The following PLCG2 variants were observed in gnomAD, a reference collection of about 807,000 sequenced individuals.
PLCG2 encodes the protein phospholipase C gamma 2, also known as 1-phosphatidylinositol 4,5-bisphosphate phosphodiesterase gamma-2.
In PLCG2, 69 loss-of-function variants were observed where a neutral mutation model predicts 175.6. The observed-to-expected ratio is 0.39, with a 90% CI of 0.32 to 0.48. The LOEUF is 0.48. PLCG2 is among the 20% of genes least tolerant of loss of function. The pLI, the probability that PLCG2 is intolerant of heterozygous loss-of-function variation, is 0.91. For synonymous variants in PLCG2, 827 were observed against 624.0 expected (o/e 1.33, Z -4.85); for missense variants, 1,798 against 1,650.9 (o/e 1.09, Z -1.54).
chr16:81,810,958 A>G (rs563226688), intron 2 of PLCG2, among the ~76,000 whole-genome samples: 17 of 152,212 alleles, frequency 1.1e-4, no homozygotes, highest in Non-Finnish European at 2.2e-4. Context: ...GCACCTGAGA[A>G]GCAGCCCAGG....
rs1027601229 is a variant in PLCG2, at chr16:81,961,051, G to A, written c.*3053G>A. The A allele has an allele frequency of 1.3e-5, 3 of 231,306 alleles. No homozygotes were observed. In the East Asian group the frequency reaches 1.8e-4, roughly 14 times the overall value. The allele number at this position is 231,306 out of a possible 1,614,324, so 14.3% of individuals were successfully genotyped here. A position where few individuals can be genotyped will look rare whatever the true frequency, so the allele number is the denominator to read the frequency against. Reference sequence around the variant, plus strand: ...GGAAAGTGAAAGACTTATCAACAGGGCACAAATCTTTTTGCAAATGGATTT... The same window carrying A: ...GGAAAGTGAAAGACTTATCAACAGGACACAAATCTTTTTGCAAATGGATTT... On this transcript the variant is annotated 3_prime_UTR_variant, in exon 33 of 33. Coordinates refer to ENST00000564138, the MANE Select transcript of PLCG2 (RefSeq NM_002661.5).
chr16:81,793,416 T>C (rs1025731235), intron 2 of PLCG2, among the ~76,000 whole-genome samples: 1 of 152,218 alleles, frequency 6.6e-6, no homozygotes, highest in Non-Finnish European at 1.5e-5. Flanking sequence ...GCTTGGATTT[T>C]GTCTCAGGAG....
intron 6 of PLCG2, 31 bp downstream of exon 6, chr16:81,869,329 A>G (rs757192083): frequency 2.0e-6 from 3 of 1,475,032 alleles, no homozygotes; most frequent in South Asian, 1.1e-5. Context: ...TGGGAATTTT[A>G]TGAATGCGGA....
At chr16:81,749,883 C>T (rs139668485) in intron 1 of PLCG2, among the ~76,000 whole-genome samples, 8 of 152,218 alleles carry the variant, frequency 5.3e-5, no homozygotes, top group Admixed American at 1.3e-4. Flanking sequence ...GCTGAGATGT[C>T]CCTCAATGGA....
chr16:81,873,486 C>T (rs1907617798), intron 7 of PLCG2, among the ~76,000 whole-genome samples: 1 of 151,882 alleles, frequency 6.6e-6, no homozygotes. Context: ...TGACGATTGT[C>T]ATCTTATGCA....
chr16:81,932,463 G>T (rs774499334), intron 25 of PLCG2, among the ~76,000 whole-genome samples: 3 of 152,164 alleles, frequency 2.0e-5, no homozygotes, highest in Non-Finnish European at 4.4e-5. Context: ...GAAATTGTAG[G>T]GTTTCCCATG....
intron 2 of PLCG2, among the ~76,000 whole-genome samples, chr16:81,799,994 G>C (rs4274430): frequency 6.6e-6 from 1 of 152,012 alleles, no homozygotes; most frequent in African/African-American, 2.4e-5. Context: ...CCTGGGTTCA[G>C]ATCTTGGCTA....
At chr16:81,944,864 G>GA (rs1911089125) in intron 30 of PLCG2, among the ~76,000 whole-genome samples, 1 of 152,098 alleles carries the variant, frequency 6.6e-6, no homozygotes. Context: ...GATATCAAGG[G>GA]CCAACTGTAG....
chr16:81,795,723 TG>T (rs934595065), intron 2 of PLCG2, among the ~76,000 whole-genome samples: 3 of 151,556 alleles, frequency 2.0e-5, no homozygotes, highest in Non-Finnish European at 4.4e-5. Flanking sequence ...CCCCAAGAGA[TG>T]GGGTCTTGCT....
intron 2 of PLCG2, among the ~76,000 whole-genome samples, chr16:81,800,878 C>T (rs1911689533): frequency 6.6e-6 from 1 of 152,000 alleles, no homozygotes; most frequent in Admixed American, 6.6e-5. Flanking sequence ...CACAAAGGTC[C>T]TTGCAGGAGG....
intron 1 of PLCG2, chr16:81,739,843 G>A (rs547343343): frequency 6.6e-6 from 1 of 151,988 alleles, no homozygotes; most frequent in South Asian, 2.1e-4. Context: ...TAAGTGCTCA[G>A]AACAGTGTGT....
intron 2 of PLCG2, among the ~76,000 whole-genome samples, chr16:81,770,461 C>T (rs1167087623): frequency 6.6e-6 from 1 of 152,062 alleles, no homozygotes; most frequent in African/African-American, 2.4e-5. Context: ...GCCTGTAATC[C>T]CAGCCCTTTG....
intron 25 of PLCG2, among the ~76,000 whole-genome samples, chr16:81,932,999 G>A (rs1252034551): frequency 1.3e-5 from 2 of 152,176 alleles, no homozygotes; most frequent in East Asian, 1.9e-4. Flanking sequence ...TCTCCAAATA[G>A]TGCACTCCAG....
intron 6 of PLCG2, among the ~76,000 whole-genome samples, chr16:81,870,179 T>C (rs1468574514): frequency 6.6e-6 from 1 of 152,202 alleles, no homozygotes; most frequent in Non-Finnish European, 1.5e-5. Flanking sequence ...GCATTTACCA[T>C]TGATTGCTAC....
intron 31 of PLCG2, among the ~76,000 whole-genome samples, chr16:81,951,799 A>G (rs1911377199): frequency 6.6e-6 from 1 of 152,246 alleles, no homozygotes; most frequent in South Asian, 2.1e-4. Context: ...TAAATATGAA[A>G]AAAGCATAAA....
At chr16:81,861,690 G>A (rs1906989357) in intron 5 of PLCG2, among the ~76,000 whole-genome samples, 1 of 152,152 alleles carries the variant, frequency 6.6e-6, no homozygotes, top group Non-Finnish European at 1.5e-5. Context: ...TTTCTCTGTG[G>A]CTTATGATGA....
chr16:81,840,237 A>G (rs1449893102), intron 2 of PLCG2, among the ~76,000 whole-genome samples: 1 of 152,136 alleles, frequency 6.6e-6, no homozygotes, highest in Non-Finnish European at 1.5e-5. Flanking sequence ...GAGCCCTGAC[A>G]GCTGGCCCCT....
intron 13 of PLCG2, among the ~76,000 whole-genome samples, chr16:81,899,270 G>GTGTA (rs1452614407): frequency 1.4e-5 from 2 of 147,660 alleles, no homozygotes; most frequent in African/African-American, 2.5e-5. Context: ...GAGTATGTGT[G>GTGTA]TATATATATA....
intron 20 of PLCG2, among the ~76,000 whole-genome samples, chr16:81,920,981 G>C (rs1316370765): frequency 2.6e-5 from 4 of 152,166 alleles, no homozygotes; most frequent in African/African-American, 7.2e-5. Context: ...AGCAGGCCAG[G>C]ACAGGGCCTC....
Sources: allele counts gnomAD v4.1 joint callset (sites outside exome capture counted in the v4.1 genomes callset), GRCh38; gene constraint gnomAD v4.1.1; transcripts MANE v1.5; gene names NCBI Gene and HGNC (gene_info 2026-07-23, HGNC 2026-07-21).